Variants in TMEM247 observed in about 807,000 individuals in gnomAD.
TMEM247 encodes the protein transmembrane protein 247.
A neutral mutation model predicts 20.7 loss-of-function variants in TMEM247; 23 were observed. The ratio of observed to expected loss-of-function variants is 1.11; its 90% CI spans 0.80 to 1.57. The LOEUF is 1.57. TMEM247 is among the 40% of genes most tolerant of loss of function. The pLI is 0.00. For missense variants in TMEM247, 354 were observed against 283.8 expected, an observed-to-expected ratio of 1.25 and a Z score of -1.78; for synonymous variants, 106 against 111.9, an observed-to-expected ratio of 0.95 and a Z score of 0.33.
chr2:46,480,496 C>G, exon 2 of TMEM247: 1 of 1,551,712 alleles, frequency 6.4e-7, no homozygotes, highest in Non-Finnish European at 8.7e-7. Flanking sequence ...CCGCTTAAAT[C>G]GCTGTCCCCC....
intron 1 of TMEM247, 46 bp downstream of exon 1, chr2:46,479,748 G>C: frequency 7.3e-7 from 1 of 1,368,196 alleles, no homozygotes; most frequent in African/African-American, 1.4e-5. Flanking sequence ...TTCCGTCAGG[G>C]GGAGCAAGAA....
chr2:46,480,388 T>G lies in TMEM247; in HGVS notation c.118-17T>G, dbSNP rs577968366. 4 of 1,524,532 alleles carry G rather than the reference T, an allele frequency of 2.6e-6. No individual in the cohort carries two copies. The South Asian group carries it at 4.9e-5, about 19-fold the overall frequency. The allele number at this position is 1,524,532 out of a possible 1,614,324, so 94.4% of individuals were successfully genotyped here. A position where few individuals can be genotyped will look rare whatever the true frequency, so the allele number is the denominator to read the frequency against. ...GACTCTTCAAGGTACCTCCCCTCCC[T>G]GCTTCCCCTACGCCAGGAGGCAGAG... is the stretch of plus-strand genomic sequence containing the variant. On this transcript the variant is annotated splice_polypyrimidine_tract_variant and intron_variant, in intron 1 of 2. Transcript: ENST00000434431.
chr2:46,483,358 G>A (rs1686925717), intron 2 of TMEM247, among the ~76,000 whole-genome samples: 1 of 152,208 alleles, frequency 6.6e-6, no homozygotes, highest in African/African-American at 2.4e-5. Context: ...TGAGGGTTTA[G>A]GGAGACCCCA....
exon 2 of TMEM247, chr2:46,480,462 T>C: frequency 6.4e-7 from 1 of 1,551,518 alleles, no homozygotes; most frequent in Non-Finnish European, 8.7e-7. Flanking sequence ...GATGGAAGCT[T>C]GTGAGGACGG....
chr2:46,480,309 C>T (rs1407584296), intron 1 of TMEM247, 96 bp from the exon 2 acceptor site: 25 of 1,316,870 alleles, frequency 1.9e-5, no homozygotes, highest in Non-Finnish European at 2.4e-5. Flanking sequence ...ACACCCCAGT[C>T]CACTGCGGCC....
chr2:46,480,514 G>A, exon 2 of TMEM247: 1 of 1,551,722 alleles, frequency 6.4e-7, no homozygotes, highest in Non-Finnish European at 8.7e-7. Flanking sequence ...CCCAAGTCCT[G>A]CCGTGCTACC....
chr2:46,482,651 T>A (rs1315271040), intron 2 of TMEM247, among the ~76,000 whole-genome samples: 2 of 152,224 alleles, frequency 1.3e-5, no homozygotes, highest in African/African-American at 2.4e-5. Context: ...CTCATCAGCA[T>A]TTCAGACTGA....
intron 2 of TMEM247, among the ~76,000 whole-genome samples, chr2:46,483,294 C>A (rs1030335182): frequency 2.0e-5 from 3 of 152,142 alleles, no homozygotes; most frequent in Admixed American, 6.5e-5. Flanking sequence ...AAGAGCAACC[C>A]ACAGACAGAA....
exon 3 of TMEM247, chr2:46,484,291 C>A (rs960551133): frequency 3.5e-5 from 54 of 1,552,056 alleles, no homozygotes; most frequent in Non-Finnish European, 4.4e-5. Context: ...ACCAGTTTGC[C>A]ATGTTCCTGT....
At chr2:46,483,718 G>A (rs1558644464) in intron 2 of TMEM247, among the ~76,000 whole-genome samples, 1 of 152,164 alleles carries the variant, frequency 6.6e-6, no homozygotes, top group Non-Finnish European at 1.5e-5. Context: ...AAAATGATGA[G>A]TTCCTTCTAT....
intron 2 of TMEM247, 106 bp downstream of exon 2, chr2:46,480,870 C>A: frequency 7.3e-7 from 1 of 1,377,676 alleles, no homozygotes; most frequent in South Asian, 1.5e-5. Flanking sequence ...GCACCCCACC[C>A]TGCAGATCCT....
intron 1 of TMEM247, among the ~76,000 whole-genome samples, chr2:46,479,951 G>A (rs1314095006): frequency 6.6e-6 from 1 of 152,098 alleles, no homozygotes; most frequent in Non-Finnish European, 1.5e-5. Context: ...TTGCTGGGTG[G>A]ATAGGACCTG....
chr2:46,479,786 C>T lies in TMEM247; in HGVS notation c.117+84C>T, dbSNP rs1686843996. The stretch of plus-strand genomic sequence containing the variant: ...CTGTAGGAACACATGCTTTGAGCTT[C>T]CAGACAACTGCCAAGAACATCAGGT... On this transcript the variant is annotated intron_variant, in intron 1 of 2. Transcript: ENST00000434431. 7 of 1,007,266 alleles carry T rather than the reference C, an allele frequency of 6.9e-6. No individual in the cohort carries two copies. The South Asian group carries it at 1.0e-4, about 15-fold the overall frequency. 62.4% of individuals were successfully genotyped at this position (1,007,266 alleles called of 1,614,324 possible).
At chr2:46,481,429 C>T (rs957059470) in intron 2 of TMEM247, among the ~76,000 whole-genome samples, 2 of 152,226 alleles carry the variant, frequency 1.3e-5, no homozygotes, top group African/African-American at 4.8e-5. Context: ...CTATCATAAG[C>T]ATTCAATAGT....
chr2:46,484,218 T>A, intron 2 of TMEM247, 26 bp from the exon 3 acceptor site: 1 of 1,536,318 alleles, frequency 6.5e-7, no homozygotes, highest in South Asian at 1.2e-5. Context: ...GGCATCATCA[T>A]CTCCACTGTC....
At chr2:46,481,548 G>C (rs939783645) in intron 2 of TMEM247, among the ~76,000 whole-genome samples, 36 of 152,316 alleles carry the variant, frequency 2.4e-4, no homozygotes, top group African/African-American at 8.7e-4. Flanking sequence ...AATTTCCTTT[G>C]AGCTTTGGCT....
chr2:46,481,260 G>T (rs1386502136), intron 2 of TMEM247, among the ~76,000 whole-genome samples: 1 of 152,122 alleles, frequency 6.6e-6, no homozygotes, highest in Non-Finnish European at 1.5e-5. Flanking sequence ...CCCGATCAGG[G>T]CTATGTTTAT....
intron 2 of TMEM247, 73 bp downstream of exon 2, chr2:46,480,837 G>T (rs146406221): frequency 1.4e-6 from 2 of 1,458,646 alleles, no homozygotes; most frequent in Non-Finnish European, 1.8e-6. Flanking sequence ...TGGAGCAGGC[G>T]CCCACCTTCC....
chr2:46,483,693 CA>C (rs1173996608), intron 2 of TMEM247, among the ~76,000 whole-genome samples: 1 of 152,184 alleles, frequency 6.6e-6, no homozygotes, highest in Non-Finnish European at 1.5e-5. Context: ...GGGATAAGAG[CA>C]GCTCAAAAAG....
Sources: allele counts gnomAD v4.1 joint callset (sites outside exome capture counted in the v4.1 genomes callset), GRCh38; gene constraint gnomAD v4.1.1; transcripts MANE v1.5; gene names NCBI Gene and HGNC (gene_info 2026-07-23, HGNC 2026-07-21).